The following ARSK variants were observed in gnomAD, a reference collection of about 807,000 sequenced individuals.
ARSK encodes arylsulfatase K.
In ARSK, 37 loss-of-function variants were observed where a neutral mutation model predicts 53.2. That is an observed-to-expected ratio of 0.70 (90% confidence interval 0.54 to 0.92). The LOEUF (loss-of-function observed/expected upper bound fraction) is 0.92, where lower values mean the gene tolerates loss of function less well. ARSK is among the 40% of genes least tolerant of loss of function. ARSK has a pLI of 0.00. For missense variants in ARSK, 613 were observed against 643.0 expected (o/e 0.95, Z 0.51); for synonymous variants, 208 against 223.2 (o/e 0.93, Z 0.61).
Position 95,591,389 on chromosome 5 carries a change from T to C in ARSK, c.872-12T>C, listed in dbSNP as rs778778704. ...GAAAGTTTTAATCGGTTTATCATGA[T>C]TTCTATTGTAGGTGAAATTATTTTG... is the stretch of plus-strand genomic sequence containing the variant. On this transcript the variant is annotated splice_polypyrimidine_tract_variant and intron_variant, in intron 5 of 7. Coordinates refer to ENST00000380009, the MANE Select transcript of ARSK (RefSeq NM_198150.3). The C allele has an allele frequency of 6.3e-7, 1 of 1,590,710 alleles. No individual in the cohort carries two copies. The highest frequency in any genetic ancestry group is 1.7e-5 in the Admixed American group (1 of 59,926).
At chr5:95,572,722 G>A (rs1417333881) in intron 3 of ARSK, among the ~76,000 whole-genome samples, 3 of 149,490 alleles carry the variant, frequency 2.0e-5, no homozygotes, top group South Asian at 2.1e-4. Context: ...AGCTTGCAGC[G>A]AGCCGAGATT....
chr5:95,596,835 T>A (rs1006091853), intron 6 of ARSK, among the ~76,000 whole-genome samples: 2 of 152,160 alleles, frequency 1.3e-5, no homozygotes, highest in Non-Finnish European at 2.9e-5. Flanking sequence ...AGTCATTTTT[T>A]AAAAGGTATT....
At chr5:95,559,717 A>G (rs1282657133) in intron 1 of ARSK, among the ~76,000 whole-genome samples, 1 of 152,234 alleles carries the variant, frequency 6.6e-6, no homozygotes, top group Non-Finnish European at 1.5e-5. Context: ...AAAGGCATCT[A>G]CAAAAAAAGC....
At chr5:95,580,568 A>G (rs1329795638) in intron 3 of ARSK, among the ~76,000 whole-genome samples, 2 of 152,138 alleles carry the variant, frequency 1.3e-5, no homozygotes, top group African/African-American at 2.4e-5. Flanking sequence ...TGCTCGTTGG[A>G]CTCACTGACT....
At position 95,604,407 on chromosome 5, in the gene ARSK, G is replaced by A. The variant is rs963270848; in HGVS notation, c.*881G>A. On this transcript the variant is annotated 3_prime_UTR_variant, in exon 8 of 8. Coordinates refer to ENST00000380009, the MANE Select transcript of ARSK (RefSeq NM_198150.3). ...TGCCATCCAGTTCCCCCTCCAAGAA[G>A]CAAGTACCGAAACCACCTGCTTACG... 1 of 152,152 alleles carries A rather than the reference G, an allele frequency of 6.6e-6. No homozygotes were observed. The highest frequency in any genetic ancestry group is 2.4e-5 in the African/African-American group (1 of 41,426). The allele number at this position is 152,152 out of a possible 1,614,324, so 9.4% of individuals were successfully genotyped here. A position where few individuals can be genotyped will look rare whatever the true frequency, so the allele number is the denominator to read the frequency against.
At chr5:95,566,684 G>A (rs1748731736) in intron 2 of ARSK, among the ~76,000 whole-genome samples, 1 of 152,126 alleles carries the variant, frequency 6.6e-6, no homozygotes, top group African/African-American at 2.4e-5. Context: ...CAGAATGTCA[G>A]TGACATTAAG....
rs748319944 is a variant in ARSK at position 95,604,873 on chromosome 5, A to G, written c.*1347A>G. On this transcript the variant is annotated 3_prime_UTR_variant, in exon 8 of 8. Coordinates refer to ENST00000380009, the MANE Select transcript of ARSK (RefSeq NM_198150.3). ...TTTGTATTACAGGTGTGCTTTAGAT[A>G]TTAGCTTTTTGTAAGAGATCCTGCA... 9.9e-5 allele frequency: 15 copies of G among 152,098 alleles called. No homozygotes were observed. The highest frequency in any genetic ancestry group is 4.6e-4 in the Admixed American group (7 of 15,266). 9.4% of individuals were successfully genotyped at this position (152,098 alleles called of 1,614,324 possible). A position where few individuals can be genotyped will look rare whatever the true frequency, so the allele number is the denominator to read the frequency against.
At chr5:95,596,890 G>A (rs1246074006) in intron 6 of ARSK, among the ~76,000 whole-genome samples, 1 of 151,928 alleles carries the variant, frequency 6.6e-6, no homozygotes, top group Non-Finnish European at 1.5e-5. Context: ...TGATAAAATA[G>A]GAAGAATATG....
chr5:95,571,766 G>A (rs1313328327), intron 3 of ARSK, among the ~76,000 whole-genome samples: 1 of 152,184 alleles, frequency 6.6e-6, no homozygotes, highest in African/African-American at 2.4e-5. Context: ...TATGAGCGCT[G>A]TATGTACCCA....
At position 95,582,938 on chromosome 5, in the gene ARSK, A is replaced by G; in HGVS notation, c.439A>G (p.Arg147Gly). The part of the protein sequence containing the change: ...SISNRVEAWT[R>G]DVAFLLRQEG... Reference sequence around the variant, plus strand: ...CAGTAATCGTGTGGAAGCGTGGACAAGAGATGTTGCTTTCTTACTCAGACA... The same window carrying G: ...CAGTAATCGTGTGGAAGCGTGGACAGGAGATGTTGCTTTCTTACTCAGACA... Residue 147 changes from arginine (R) to glycine (G), a missense_variant, in exon 4 of 8, where the codon AGA (arginine) becomes GGA (glycine). Physicochemically the swap from Arg to Gly is moderately radical, Grantham distance 125 (BLOSUM62 -2). Coordinates refer to ENST00000380009, the MANE Select transcript of ARSK (RefSeq NM_198150.3). 6.2e-7 allele frequency: 1 copy of G among 1,610,360 alleles called. No individual in the cohort carries two copies. Among genetic ancestry groups the G allele is most frequent in the Non-Finnish European group, 8.5e-7 (1 of 1,177,512 alleles).
intron 3 of ARSK, among the ~76,000 whole-genome samples, chr5:95,579,738 T>C (rs1353535982): frequency 6.6e-6 from 1 of 152,186 alleles, no homozygotes; most frequent in African/African-American, 2.4e-5. Context: ...AAGCCCCTCT[T>C]ATATTTCTAT....
chr5:95,594,771 C>T (rs1364561297), intron 6 of ARSK, among the ~76,000 whole-genome samples: 5 of 151,308 alleles, frequency 3.3e-5, no homozygotes, highest in African/African-American at 7.3e-5. Context: ...ATCTGGGAGG[C>T]GGAGCTTGCA....
At chr5:95,593,370 T>C (rs1749249447) in intron 6 of ARSK, among the ~76,000 whole-genome samples, 2 of 152,190 alleles carry the variant, frequency 1.3e-5, no homozygotes, top group African/African-American at 4.8e-5. Context: ...AGCTAAATAG[T>C]TAAATATCTT....
intron 6 of ARSK, among the ~76,000 whole-genome samples, chr5:95,594,714 C>T (rs746979939): frequency 6.6e-6 from 1 of 152,084 alleles, no homozygotes; most frequent in Non-Finnish European, 1.5e-5. Flanking sequence ...GTGGCAGGCG[C>T]CTGTAGTCCC....
intron 3 of ARSK, among the ~76,000 whole-genome samples, chr5:95,582,136 A>G (rs1263768178): frequency 2.0e-5 from 3 of 152,094 alleles, no homozygotes. Flanking sequence ...ATCACTTCAG[A>G]GATACCTATT....
chr5:95,583,314 A>G, intron 4 of ARSK, 116 bp downstream of exon 4: 1 of 916,240 alleles, frequency 1.1e-6, no homozygotes, highest in Non-Finnish European at 1.5e-6. Context: ...TTGTATATTC[A>G]AACTTGACCA....
chr5:95,591,344 G>C, intron 5 of ARSK, 57 bp from the exon 6 acceptor site: 1 of 1,419,398 alleles, frequency 7.0e-7, no homozygotes, highest in Non-Finnish European at 9.9e-7. Context: ...AACTTAATGT[G>C]ATAGAATAAA....
Position 95,555,168 on chromosome 5 carries a change from C to T in ARSK, c.-111C>T. On this transcript the variant is annotated 5_prime_UTR_variant, in exon 1 of 8. Transcript: ENST00000380009. This position sits in a 1 kb window ranked among gnomAD's most constrained non-coding sequence, Gnocchi z 4.0. ...AAGCTCGGCGTTACTATCAAGCAACCAAACTGCAAGCTTTGGGAGTTGTTC... is the reference window on the plus strand; with the variant it reads ...AAGCTCGGCGTTACTATCAAGCAACTAAACTGCAAGCTTTGGGAGTTGTTC... 9.3e-7 allele frequency: 1 copy of T among 1,078,530 alleles called. No individual in the cohort carries two copies. Among genetic ancestry groups the T allele is most frequent in the African/African-American group, 1.6e-5 (1 of 62,238 alleles). 66.8% of individuals were successfully genotyped at this position (1,078,530 alleles called of 1,614,324 possible).
At chr5:95,588,789 C>G (rs1749165226) in intron 5 of ARSK, among the ~76,000 whole-genome samples, 1 of 151,918 alleles carries the variant, frequency 6.6e-6, no homozygotes, top group Non-Finnish European at 1.5e-5. Context: ...TGATGAAACC[C>G]CATCTCTACT....
Sources: gnomAD v4.1 joint callset for allele counts (sites outside exome capture counted in the v4.1 genomes callset) on GRCh38, gnomAD v4.1.1 for gene constraint, Gnocchi (gnomAD v3.1) non-coding constraint, MANE v1.5 for transcripts, NCBI Gene and HGNC (gene_info 2026-07-23, HGNC 2026-07-21) for gene names.